The following SATB2 variants were observed in gnomAD, a reference collection of about 807,000 sequenced individuals.
SATB2 encodes DNA-binding protein SATB2.
SATB2 carries 1 observed loss-of-function variant against 73.4 expected under a neutral mutation model. That is an observed-to-expected ratio of 0.01 (90% CI 0.00 to 0.06). SATB2 has a LOEUF of 0.06. SATB2 is among the 10% of genes least tolerant of loss of function. The pLI is 1.00. For synonymous variants in SATB2, 397 were observed against 367.0 expected, an observed-to-expected ratio of 1.08 and a Z score of -0.93; for missense variants, 459 against 945.8, an observed-to-expected ratio of 0.49 and a Z score of 6.75.
chr2:199,290,707 A>G (rs1053852811), intron 10 of SATB2, among the ~76,000 whole-genome samples: 1 of 152,168 alleles, frequency 6.6e-6, no homozygotes, highest in African/African-American at 2.4e-5. Flanking sequence ...AATTATTAAC[A>G]CTCAAGAAAT....
intron 7 of SATB2, among the ~76,000 whole-genome samples, chr2:199,340,872 G>A (rs980069570): frequency 6.6e-6 from 1 of 152,178 alleles, no homozygotes; most frequent in African/African-American, 2.4e-5. Context: ...GATTTGCTCA[G>A]ATGGAAGGTC....
chr2:199,389,285 T>C (rs1690053841), intron 3 of SATB2, among the ~76,000 whole-genome samples: 1 of 152,174 alleles, frequency 6.6e-6, no homozygotes, highest in Non-Finnish European at 1.5e-5. Context: ...GGAATAAACC[T>C]AACTCTTCTA....
intron 2 of SATB2, among the ~76,000 whole-genome samples, chr2:199,438,881 CA>C (rs1691728405): frequency 6.6e-6 from 1 of 152,138 alleles, no homozygotes; most frequent in African/African-American, 2.4e-5. Context: ...TAACATGCCC[CA>C]AAAAACACAG....
chr2:199,432,737 GA>G (rs1230425983), intron 3 of SATB2, among the ~76,000 whole-genome samples: 6 of 151,978 alleles, frequency 3.9e-5, no homozygotes, highest in Non-Finnish European at 8.8e-5. Flanking sequence ...TGAAACAACA[GA>G]AGCTCACAAC....
rs1304961340 is a variant in SATB2 at position 199,324,086 on chromosome 2, G to A, written c.1387-128C>T. 4 of 930,576 alleles carry A rather than the reference G, an allele frequency of 4.3e-6. No homozygotes were observed. The East Asian group carries it at 7.4e-5, about 17-fold the overall frequency. The allele number at this position is 930,576 out of a possible 1,614,324, so 57.6% of individuals were successfully genotyped here. On this transcript the variant is annotated intron_variant, in intron 8 of 10. Coordinates refer to ENST00000417098, the MANE Select transcript of SATB2 (RefSeq NM_001172509.2). ...CATTAGCTACAGAGGGACACTTCCTGTCCATTATTCTAATCAGGTTAATTG... is the reference window on the plus strand; with the variant it reads ...CATTAGCTACAGAGGGACACTTCCTATCCATTATTCTAATCAGGTTAATTG...
intron 8 of SATB2, among the ~76,000 whole-genome samples, chr2:199,327,284 A>G (rs1688055638): frequency 1.3e-5 from 2 of 152,122 alleles, no homozygotes; most frequent in South Asian, 4.1e-4. Context: ...TACTAAAAAT[A>G]CAAAAAATTA....
intron 9 of SATB2, among the ~76,000 whole-genome samples, chr2:199,315,257 G>A (rs1243882990): frequency 6.6e-6 from 1 of 151,706 alleles, no homozygotes; most frequent in African/African-American, 2.4e-5. Context: ...AATGAATGAG[G>A]TATGGCAATA....
At chr2:199,312,858 C>A (rs555459026) in intron 9 of SATB2, among the ~76,000 whole-genome samples, 2 of 152,162 alleles carry the variant, frequency 1.3e-5, no homozygotes, top group South Asian at 4.2e-4. Context: ...TCAGTCGAAA[C>A]ATGAGAAAAT....
At chr2:199,326,462 G>C (rs1688031096) in intron 8 of SATB2, among the ~76,000 whole-genome samples, 2 of 152,088 alleles carry the variant, frequency 1.3e-5, no homozygotes, top group Admixed American at 6.6e-5. Context: ...GTGGGGCCTT[G>C]TAAGTCAGTC....
At chr2:199,354,353 C>T (rs1368598133) in intron 6 of SATB2, among the ~76,000 whole-genome samples, 1 of 152,070 alleles carries the variant, frequency 6.6e-6, no homozygotes, top group Non-Finnish European at 1.5e-5. Flanking sequence ...GAGATTCTGT[C>T]TCAAAAATAA....
At chr2:199,396,405 A>G (rs1404622597) in intron 3 of SATB2, 1 of 152,244 alleles carries the variant, frequency 6.6e-6, no homozygotes, top group Non-Finnish European at 1.5e-5. Context: ...ATATCCTTAT[A>G]TAAACATTCA....
chr2:199,311,221 A>T (rs1409475544), intron 9 of SATB2, among the ~76,000 whole-genome samples: 1 of 152,180 alleles, frequency 6.6e-6, no homozygotes, highest in Non-Finnish European at 1.5e-5. Flanking sequence ...CAAATCCCTG[A>T]TGGAGCTGAG....
intron 8 of SATB2, among the ~76,000 whole-genome samples, chr2:199,328,104 G>T (rs762752974): frequency 6.6e-6 from 1 of 152,052 alleles, no homozygotes; most frequent in Non-Finnish European, 1.5e-5. Flanking sequence ...CCTAGAGCCC[G>T]CCCCTGTGCC....
chr2:199,363,052 C>G (rs1689184813), intron 6 of SATB2, among the ~76,000 whole-genome samples: 2 of 152,058 alleles, frequency 1.3e-5, no homozygotes, highest in East Asian at 3.9e-4. Flanking sequence ...GTATATTCAG[C>G]CCAACAAAGC....
upstream of SATB2, among the ~76,000 whole-genome samples, chr2:199,462,771 T>TA (rs1692505679): frequency 6.6e-6 from 1 of 151,850 alleles, no homozygotes; most frequent in Non-Finnish European, 1.5e-5. This position sits in a 1 kb window ranked among gnomAD's most constrained non-coding sequence, Gnocchi z 5.9. Flanking sequence ...AGCAGAGAGA[T>TA]ACGCCTCAGA....
chr2:199,464,009 C>T lies in SATB2; in HGVS notation c.-141+827G>A, dbSNP rs1186138710. On this transcript the variant is annotated intron_variant, in intron 1 of 11. Coordinates refer to the SATB2 transcript ENST00000260926. The surrounding 1 kb of genome is among the most constrained non-coding windows in gnomAD (Gnocchi z 6.6). ...GGGCGAAAAAGCCCGCTGCGGGACC[C>T]ACGGTCCCAGACACCTACTGGAGCC... 6.6e-6 allele frequency among the ~76,000 whole-genome samples: 1 copy of T among 152,194 alleles called. No individual in the cohort carries two copies. The highest frequency in any genetic ancestry group is 2.4e-5 in the African/African-American group (1 of 41,456).
intron 3 of SATB2, among the ~76,000 whole-genome samples, chr2:199,392,292 G>A (rs1574582306): frequency 6.6e-6 from 1 of 150,662 alleles, no homozygotes; most frequent in African/African-American, 2.4e-5. Context: ...TCTCATTACT[G>A]TTGCAGAGAA....
intron 3 of SATB2, among the ~76,000 whole-genome samples, chr2:199,386,506 A>C (rs1298966080): frequency 1.3e-5 from 2 of 152,224 alleles, no homozygotes; most frequent in Non-Finnish European, 2.9e-5. Flanking sequence ...AGGACAAAGA[A>C]GCAAGAACAA....
rs1256356601 is a variant in SATB2 at position 199,438,838 on chromosome 2, TAATA to T, written c.170-5328_170-5325del. Among the ~76,000 whole-genome samples the T allele has an allele frequency of 1.5e-4, 23 of 152,350 alleles. 1 individual carries two copies. The highest frequency in any genetic ancestry group is 4.6e-4 in the Admixed American group (7 of 15,306). On this transcript the variant is annotated intron_variant, in intron 2 of 10. Coordinates refer to ENST00000417098, the MANE Select transcript of SATB2 (RefSeq NM_001172509.2). Reference sequence around the variant, plus strand: ...TGACAGGGTTAGCATTATTTTCAGTTAATAAATTAGGAAACTGAAACTATGGGAG... The same window carrying T: ...TGACAGGGTTAGCATTATTTTCAGTTAATTAGGAAACTGAAACTATGGGAG...
Sources: gnomAD v4.1 joint callset for allele counts (sites outside exome capture counted in the v4.1 genomes callset) on GRCh38, gnomAD v4.1.1 for gene constraint, Gnocchi (gnomAD v3.1) non-coding constraint, MANE v1.5 for transcripts, NCBI Gene and HGNC (gene_info 2026-07-23, HGNC 2026-07-21) for gene names.